Variants in EGFLAM observed in about 807,000 individuals in gnomAD.
EGFLAM encodes the protein pikachurin.
EGFLAM carries 79 observed loss-of-function variants against 113.1 expected under a neutral mutation model. The observed-to-expected ratio is 0.70, with a 90% confidence interval of 0.58 to 0.84. EGFLAM has a LOEUF of 0.84. Ranked by LOEUF, EGFLAM falls within the 40% of genes least tolerant of loss-of-function variation. The pLI is 0.00. For missense variants in EGFLAM, 1,265 were observed against 1,291.6 expected (o/e 0.98, Z 0.32); for synonymous variants, 504 against 487.6 (o/e 1.03, Z -0.44).
At chr5:38,439,175 C>T (rs1742453294) in intron 17 of EGFLAM, among the ~76,000 whole-genome samples, 1 of 152,128 alleles carries the variant, frequency 6.6e-6, no homozygotes, top group African/African-American at 2.4e-5. Context: ...AATCCATTAG[C>T]AGGTGCTGTG....
intron 20 of EGFLAM, among the ~76,000 whole-genome samples, chr5:38,461,513 A>AT (rs1180947336): frequency 1.3e-5 from 2 of 152,184 alleles, no homozygotes; most frequent in East Asian, 3.9e-4. Context: ...TAGAGTAATT[A>AT]ATTTTTTTTT....
At chr5:38,326,079 G>T (rs1449870866) in intron 1 of EGFLAM, among the ~76,000 whole-genome samples, 1 of 152,192 alleles carries the variant, frequency 6.6e-6, no homozygotes, top group African/African-American at 2.4e-5. Flanking sequence ...GGAGCACTGG[G>T]CTTCCCACAG....
chr5:38,384,745 C>T (rs1006998193), intron 6 of EGFLAM, among the ~76,000 whole-genome samples: 1 of 152,070 alleles, frequency 6.6e-6, no homozygotes, highest in African/African-American at 2.4e-5. Context: ...TTCTACTGCA[C>T]TTGGCTCCCA....
chr5:38,409,116 CA>C lies in EGFLAM; in HGVS notation c.1349+16del. On this transcript the variant is annotated intron_variant, in intron 10 of 21. Transcript: ENST00000322350. ...TCCCTGCAGTTCAGGTAATTCCTGC[CA>C]AAAGCCTCACACTCTTTTTTTGTTA... 6.5e-7 allele frequency: 1 copy of C among 1,546,960 alleles called. No individual in the cohort carries two copies. Among genetic ancestry groups the C allele is most frequent in the South Asian group, 1.2e-5 (1 of 82,448 alleles).
intron 6 of EGFLAM, chr5:38,403,126 T>C (rs1413798524): frequency 2.0e-5 from 3 of 151,282 alleles, no homozygotes; most frequent in Non-Finnish European, 4.4e-5. Context: ...AAATGAAGAG[T>C]GAGGGAAAGG....
intron 6 of EGFLAM, among the ~76,000 whole-genome samples, chr5:38,372,763 TA>T (rs1740258567): frequency 6.6e-6 from 1 of 152,204 alleles, no homozygotes; most frequent in African/African-American, 2.4e-5. Context: ...CAGATCAGAA[TA>T]ACAAAATTTA....
At chr5:38,452,556 A>G (rs1336795467) in intron 19 of EGFLAM, among the ~76,000 whole-genome samples, 1 of 152,194 alleles carries the variant, frequency 6.6e-6, no homozygotes, top group East Asian at 1.9e-4. Flanking sequence ...ACAAAGGCCA[A>G]GCATAGAAGT....
At chr5:38,411,298 T>G (rs1027685904) in intron 10 of EGFLAM, among the ~76,000 whole-genome samples, 4 of 151,710 alleles carry the variant, frequency 2.6e-5, no homozygotes, top group Non-Finnish European at 5.9e-5. Context: ...TGTGGTGGCA[T>G]GCGCCTGTAG....
intron 1 of EGFLAM, among the ~76,000 whole-genome samples, chr5:38,275,323 G>C (rs1334680899): frequency 2.0e-5 from 3 of 152,146 alleles, no homozygotes; most frequent in Non-Finnish European, 2.9e-5. Flanking sequence ...CTTATAAGAG[G>C]CTCACTTCAC....
intron 11 of EGFLAM, among the ~76,000 whole-genome samples, chr5:38,412,987 TAGA>T (rs1359720405): frequency 1.3e-5 from 2 of 152,088 alleles, no homozygotes; most frequent in African/African-American, 4.8e-5. Flanking sequence ...AAGCCAGCAG[TAGA>T]AGAAGGCCCA....
At chr5:38,359,886 C>G (rs1014570760) in intron 5 of EGFLAM, among the ~76,000 whole-genome samples, 2 of 152,134 alleles carry the variant, frequency 1.3e-5, no homozygotes, top group Admixed American at 6.5e-5. Context: ...TGGCAGATGC[C>G]TTCCATAATA....
chr5:38,320,579 C>T (rs141038484), intron 1 of EGFLAM, among the ~76,000 whole-genome samples: 37 of 152,126 alleles, frequency 2.4e-4, no homozygotes, highest in African/African-American at 7.7e-4. Flanking sequence ...GTGTGTTGTG[C>T]GTATGCCTGT....
chr5:38,323,710 A>C (rs75864526), intron 1 of EGFLAM, among the ~76,000 whole-genome samples: 2,640 of 152,096 alleles, frequency 0.017, 30 homozygotes, highest in African/African-American at 0.037. Context: ...AGATCCCACA[A>C]GACTTCAGAA....
chr5:38,367,467 T>C (rs1289069773), intron 5 of EGFLAM, among the ~76,000 whole-genome samples: 2 of 151,676 alleles, frequency 1.3e-5, no homozygotes, highest in Admixed American at 1.3e-4. Flanking sequence ...CCCAGGCTGG[T>C]CTTGAACCCC....
chr5:38,342,692 T>A (rs1000828524), intron 3 of EGFLAM, among the ~76,000 whole-genome samples: 3 of 152,168 alleles, frequency 2.0e-5, no homozygotes, highest in Non-Finnish European at 2.9e-5. Context: ...TTTGGTAAAT[T>A]TTTTAGAGTT....
intron 5 of EGFLAM, among the ~76,000 whole-genome samples, chr5:38,354,062 TGTGGATTGA>T (rs1397798715): frequency 1.3e-5 from 2 of 152,172 alleles, no homozygotes; most frequent in African/African-American, 4.8e-5. Flanking sequence ...ACCTGGTGTA[TGTGGATTGA>T]GTATTCAAGA....
chr5:38,330,862 A>G (rs979721382), intron 1 of EGFLAM, among the ~76,000 whole-genome samples: 6 of 152,208 alleles, frequency 3.9e-5, no homozygotes, highest in Non-Finnish European at 5.9e-5. Flanking sequence ...GCTTAGCAAT[A>G]AATGTGGCCA....
intron 14 of EGFLAM, 186 bp downstream of exon 14, chr5:38,427,438 C>G (rs1742053682): frequency 1.1e-6 from 1 of 915,284 alleles, no homozygotes. Flanking sequence ...AGAGTGCTCT[C>G]CTGCCCACAA....
intron 4 of EGFLAM, among the ~76,000 whole-genome samples, chr5:38,351,046 A>G (rs1006863319): frequency 6.6e-6 from 1 of 152,008 alleles, no homozygotes; most frequent in African/African-American, 2.4e-5. Flanking sequence ...GATGCTGGTC[A>G]CTGCTGGCAA....
Sources: gnomAD v4.1 joint callset for allele counts (sites outside exome capture counted in the v4.1 genomes callset) on GRCh38, gnomAD v4.1.1 for gene constraint, MANE v1.5 for transcripts, NCBI Gene and HGNC (gene_info 2026-07-23, HGNC 2026-07-21) for gene names.